GRIA2: variants seen among roughly 807,000 people sequenced by gnomAD.
GRIA2 encodes glutamate receptor 2.
A neutral mutation model predicts 97.3 loss-of-function variants in GRIA2; 14 were observed. The observed-to-expected ratio is 0.14, with a 90% CI of 0.10 to 0.23. GRIA2 has a LOEUF of 0.23. Ranked by LOEUF, GRIA2 falls within the 10% of genes least tolerant of loss-of-function variation. The probability of loss-of-function intolerance (pLI) is 1.00; values close to 1 mark genes in which losing one functional copy is unlikely to be tolerated. For synonymous variants in GRIA2, 412 were observed against 387.8 expected (o/e 1.06, Z -0.73); for missense variants, 558 against 1,069.8 (o/e 0.52, Z 6.67).
chr4:157,353,634 G>A (rs1207096126), intron 12 of GRIA2, among the ~76,000 whole-genome samples: 1 of 152,018 alleles, frequency 6.6e-6, no homozygotes. Context: ...CGAGATAGGA[G>A]ATAGAGCCAC....
intron 2 of GRIA2, among the ~76,000 whole-genome samples, chr4:157,294,411 A>G (rs137948598): frequency 6.8e-4 from 104 of 152,036 alleles, no homozygotes; most frequent in Non-Finnish European, 1.1e-3. Flanking sequence ...CAGGTTTTTT[A>G]GGCATTAAGA....
At chr4:157,356,093 T>TTATATATTTATATTTATTTATTTA in intron 12 of GRIA2, among the ~76,000 whole-genome samples, 1 of 125,060 alleles carries the variant, frequency 8.0e-6, no homozygotes, top group Admixed American at 9.8e-5. Flanking sequence ...TTATATATAT[T>TTATATATTTATATTTATTTATTTA]TATATATTTA....
chr4:157,279,013 C>A (rs1434775739), intron 2 of GRIA2, among the ~76,000 whole-genome samples: 1 of 152,012 alleles, frequency 6.6e-6, no homozygotes, highest in East Asian at 1.9e-4. Flanking sequence ...GGTGGTAGTG[C>A]AAAATGGTAC....
At chr4:157,307,620 A>G (rs528477785) in intron 3 of GRIA2, among the ~76,000 whole-genome samples, 1 of 152,356 alleles carries the variant, frequency 6.6e-6, no homozygotes, top group Non-Finnish European at 1.5e-5. Context: ...TCAACATTAT[A>G]TAATAGTTTT....
intron 2 of GRIA2, among the ~76,000 whole-genome samples, chr4:157,241,117 T>A (rs1051039306): frequency 2.0e-5 from 3 of 152,134 alleles, no homozygotes; most frequent in African/African-American, 7.2e-5. Flanking sequence ...AGAACGGGTA[T>A]TTTGGTGGTA....
At chr4:157,284,536 A>T (rs956292737) in intron 2 of GRIA2, among the ~76,000 whole-genome samples, 18 of 151,914 alleles carry the variant, frequency 1.2e-4, no homozygotes, top group Middle Eastern at 3.4e-3. Context: ...TTCAAGACAT[A>T]AAACATTACC....
At chr4:157,329,382 C>A (rs1039764618) in intron 6 of GRIA2, among the ~76,000 whole-genome samples, 1 of 151,698 alleles carries the variant, frequency 6.6e-6, no homozygotes, top group African/African-American at 2.4e-5. Context: ...GAAATGAGTA[C>A]GTAAAATGTA....
intron 12 of GRIA2, among the ~76,000 whole-genome samples, chr4:157,354,445 C>T (rs1473684506): frequency 3.3e-5 from 5 of 152,108 alleles, no homozygotes; most frequent in African/African-American, 1.2e-4. Flanking sequence ...TAATATGATA[C>T]ACTGTTATTT....
intron 3 of GRIA2, among the ~76,000 whole-genome samples, chr4:157,311,737 G>A (rs541016554): frequency 6.6e-5 from 10 of 151,926 alleles, no homozygotes; most frequent in East Asian, 1.9e-4. Context: ...CTGGAGTCTC[G>A]ATTTTGCGTT....
intron 2 of GRIA2, among the ~76,000 whole-genome samples, chr4:157,292,771 T>C (rs1013093692): frequency 5.9e-5 from 9 of 152,218 alleles, no homozygotes; most frequent in Admixed American, 2.6e-4. Context: ...AGGTGGCTGA[T>C]GAAACCAGCT....
At chr4:157,320,332 AACTC>A (rs1007779663) in intron 5 of GRIA2, among the ~76,000 whole-genome samples, 1 of 152,116 alleles carries the variant, frequency 6.6e-6, no homozygotes, top group Non-Finnish European at 1.5e-5. Flanking sequence ...GATACACAAA[AACTC>A]AATAAAATTT....
chr4:157,253,344 T>C (rs575467962), intron 2 of GRIA2, among the ~76,000 whole-genome samples: 7 of 152,066 alleles, frequency 4.6e-5, no homozygotes, highest in Non-Finnish European at 7.4e-5. Flanking sequence ...CTCGAATTCC[T>C]GAGCTCAAGG....
At chr4:157,248,036 C>T (rs990286396) in intron 2 of GRIA2, among the ~76,000 whole-genome samples, 22 of 151,910 alleles carry the variant, frequency 1.4e-4, no homozygotes, top group African/African-American at 5.3e-4. Context: ...ACGTTTTGTA[C>T]TCTGGGGATA....
rs1044761008 is a variant in GRIA2, at chr4:157,234,565, T to C, written c.229+12758T>C. Among the ~76,000 whole-genome samples, 120 of 152,146 alleles carry C rather than the reference T, an allele frequency of 7.9e-4. 1 individual carries two copies. The highest frequency in any genetic ancestry group is 2.8e-3 in the African/African-American group (114 of 41,452). On this transcript the variant is annotated intron_variant, in intron 2 of 15. Transcript: ENST00000264426. ...AACATTTAGTGTGAATATCTGATAC[T>C]ATTCAGTTACCAATTCCACCACTGA... is the stretch of plus-strand genomic sequence containing the variant.
At chr4:157,248,865 T>C (rs1404928565) in intron 2 of GRIA2, among the ~76,000 whole-genome samples, 1 of 146,590 alleles carries the variant, frequency 6.8e-6, no homozygotes, top group Non-Finnish European at 1.5e-5. Context: ...TGAGACAGGG[T>C]CACTCTCTGT....
At chr4:157,292,297 G>A (rs1733141234) in intron 2 of GRIA2, among the ~76,000 whole-genome samples, 1 of 151,916 alleles carries the variant, frequency 6.6e-6, no homozygotes, top group African/African-American at 2.4e-5. Flanking sequence ...TAAAACCAAG[G>A]AAATCAATAA....
At chr4:157,344,085 T>A (rs772333358) in intron 12 of GRIA2, among the ~76,000 whole-genome samples, 5 of 152,110 alleles carry the variant, frequency 3.3e-5, no homozygotes, top group Non-Finnish European at 5.9e-5. Flanking sequence ...AGATTCCCTT[T>A]GAGTCAATAA....
intron 2 of GRIA2, among the ~76,000 whole-genome samples, chr4:157,255,851 G>T (rs981385311): frequency 6.6e-6 from 1 of 151,692 alleles, no homozygotes; most frequent in African/African-American, 2.4e-5. Context: ...CAAAGGATAT[G>T]AATAGTCTTT....
Position 157,294,619 on chromosome 4 carries a change from A to G in GRIA2, c.230-8933A>G, listed in dbSNP as rs372559304. Among the ~76,000 whole-genome samples, 3 of 152,296 alleles carry G rather than the reference A, an allele frequency of 2.0e-5. No homozygotes were observed. In the East Asian group the frequency reaches 5.8e-4, roughly 29 times the overall value. ...TTATTGTATCTCACATACATTTTCC[A>G]TGAGAAAGTATGTGATGAATAATAT... On this transcript the variant is annotated intron_variant, in intron 2 of 15. Coordinates refer to ENST00000264426, the MANE Select transcript of GRIA2 (RefSeq NM_001083619.3).
Sources: allele counts gnomAD v4.1 joint callset (sites outside exome capture counted in the v4.1 genomes callset), GRCh38; gene constraint gnomAD v4.1.1; transcripts MANE v1.5; gene names NCBI Gene and HGNC (gene_info 2026-07-23, HGNC 2026-07-21).